ZMAT4: variants seen among roughly 807,000 people sequenced by gnomAD.
The protein encoded by ZMAT4 is zinc finger matrin-type protein 4.
A neutral mutation model predicts 28.7 loss-of-function variants in ZMAT4; 17 were observed. The observed-to-expected ratio is 0.59, with a 90% CI of 0.41 to 0.89. ZMAT4 has a LOEUF of 0.89. Ranked by LOEUF, ZMAT4 falls within the 40% of genes least tolerant of loss-of-function variation. The pLI is 0.00. For missense variants in ZMAT4, 240 were observed against 283.8 expected (o/e 0.85, Z 1.11); for synonymous variants, 117 against 109.2 (o/e 1.07, Z -0.44).
intron 6 of ZMAT4, among the ~76,000 whole-genome samples, chr8:40,579,155 G>A (rs914238295): frequency 1.3e-5 from 2 of 152,166 alleles, no homozygotes; most frequent in African/African-American, 4.8e-5. Context: ...AGTTATATAT[G>A]TACAGAATAG....
chr8:40,683,022 A>G (rs1809243630), intron 4 of ZMAT4, among the ~76,000 whole-genome samples: 2 of 152,190 alleles, frequency 1.3e-5, no homozygotes, highest in Admixed American at 1.3e-4. Flanking sequence ...TCAAGAGGCC[A>G]GAATCTAAGG....
chr8:40,792,333 C>T (rs1325516913), intron 2 of ZMAT4, among the ~76,000 whole-genome samples: 3 of 150,726 alleles, frequency 2.0e-5, no homozygotes, highest in Non-Finnish European at 4.4e-5. Context: ...TTATATATTC[C>T]CTGAACTGGC....
chr8:40,810,224 G>T (rs567774852), intron 2 of ZMAT4, among the ~76,000 whole-genome samples: 1 of 152,108 alleles, frequency 6.6e-6, no homozygotes, highest in Non-Finnish European at 1.5e-5. Context: ...ATTTCCAATG[G>T]ATTTGCGGAC....
At chr8:40,679,628 G>T (rs914307557) in intron 4 of ZMAT4, among the ~76,000 whole-genome samples, 15 of 152,142 alleles carry the variant, frequency 9.9e-5, no homozygotes. Flanking sequence ...CCACCCTCAT[G>T]ATTCAATTAC....
At chr8:40,608,152 C>CT (rs1176931451) in intron 5 of ZMAT4, among the ~76,000 whole-genome samples, 12 of 152,054 alleles carry the variant, frequency 7.9e-5, no homozygotes, top group African/African-American at 2.9e-4. Context: ...AGATTATGTC[C>CT]TTTGTCTTTG....
intron 5 of ZMAT4, among the ~76,000 whole-genome samples, chr8:40,597,337 T>C (rs1189719174): frequency 6.6e-6 from 1 of 152,142 alleles, no homozygotes; most frequent in Non-Finnish European, 1.5e-5. Context: ...GTGTTGACAA[T>C]TGTCTAGTGG....
At chr8:40,575,303 T>C (rs565574714) in intron 6 of ZMAT4, among the ~76,000 whole-genome samples, 24 of 152,204 alleles carry the variant, frequency 1.6e-4, no homozygotes, top group Admixed American at 1.4e-3. Flanking sequence ...AGAAACACAA[T>C]TGTGGACCCA....
chr8:40,547,717 T>A (rs1457782883), intron 6 of ZMAT4, among the ~76,000 whole-genome samples: 1 of 152,186 alleles, frequency 6.6e-6, no homozygotes. Flanking sequence ...GCTGCACCCA[T>A]CAACCTGTCA....
chr8:40,773,395 A>T (rs1211156907), intron 2 of ZMAT4, among the ~76,000 whole-genome samples: 1 of 152,200 alleles, frequency 6.6e-6, no homozygotes, highest in Non-Finnish European at 1.5e-5. Flanking sequence ...TCAAATCAGA[A>T]GATTCTAAAA....
intron 5 of ZMAT4, among the ~76,000 whole-genome samples, chr8:40,608,640 G>C (rs1435125068): frequency 6.6e-6 from 1 of 152,170 alleles, no homozygotes; most frequent in Non-Finnish European, 1.5e-5. Flanking sequence ...GAGTTCGGCT[G>C]GAAGTTTCCT....
At chr8:40,738,136 T>C (rs182228161) in intron 3 of ZMAT4, among the ~76,000 whole-genome samples, 19 of 152,240 alleles carry the variant, frequency 1.2e-4, no homozygotes, top group Non-Finnish European at 2.1e-4. Flanking sequence ...AGTAGGAGGT[T>C]CTGACTAGAA....
In ZMAT4 at chr8:40,754,161, A is replaced by G. The variant is rs555142699; in HGVS notation, c.192+13480T>C. 5.3e-5 allele frequency among the ~76,000 whole-genome samples: 8 copies of G among 151,210 alleles called. No individual in the cohort carries two copies. In the East Asian group the frequency reaches 5.8e-4, roughly 11 times the overall value. Reference sequence around the variant, plus strand: ...CACTCCAGCCTGGCAACAGAGCAAGACTCCATCTCAAAAAAAAAAAAGAAA... The same window carrying G: ...CACTCCAGCCTGGCAACAGAGCAAGGCTCCATCTCAAAAAAAAAAAAGAAA... On this transcript the variant is annotated intron_variant, in intron 3 of 6. Coordinates refer to ENST00000297737, the MANE Select transcript of ZMAT4 (RefSeq NM_024645.3).
At chr8:40,736,147 C>T (rs558996392) in intron 3 of ZMAT4, among the ~76,000 whole-genome samples, 2 of 152,282 alleles carry the variant, frequency 1.3e-5, no homozygotes, top group South Asian at 4.1e-4. Flanking sequence ...ACCAACCTCA[C>T]CTTATCTCCT....
intron 6 of ZMAT4, among the ~76,000 whole-genome samples, chr8:40,561,614 G>C (rs1444274563): frequency 1.3e-5 from 2 of 152,024 alleles, no homozygotes; most frequent in Non-Finnish European, 2.9e-5. Flanking sequence ...TGTCTTCCAG[G>C]CTCCAAGCAC....
At chr8:40,816,654 C>A (rs987348202) in intron 2 of ZMAT4, among the ~76,000 whole-genome samples, 1 of 152,074 alleles carries the variant, frequency 6.6e-6, no homozygotes, top group Non-Finnish European at 1.5e-5. Flanking sequence ...TGTAGGAAAA[C>A]CAGAAGGTTC....
At chr8:40,712,688 T>A (rs563673339) in intron 3 of ZMAT4, among the ~76,000 whole-genome samples, 3 of 152,266 alleles carry the variant, frequency 2.0e-5, no homozygotes, top group African/African-American at 7.2e-5. Flanking sequence ...CCTGAAATCA[T>A]GGTTTTCACA....
intron 5 of ZMAT4, among the ~76,000 whole-genome samples, chr8:40,649,283 T>C (rs903697963): frequency 6.6e-6 from 1 of 152,016 alleles, no homozygotes; most frequent in Non-Finnish European, 1.5e-5. Context: ...TCCTAGTCTC[T>C]GATAAAACAG....
chr8:40,671,125 C>T (rs1433956250), intron 5 of ZMAT4, among the ~76,000 whole-genome samples: 1 of 151,036 alleles, frequency 6.6e-6, no homozygotes, highest in East Asian at 1.9e-4. Context: ...GAATTAAAGG[C>T]ATCATGAAAT....
chr8:40,608,553 C>T (rs757645104), intron 5 of ZMAT4, among the ~76,000 whole-genome samples: 7 of 152,228 alleles, frequency 4.6e-5, no homozygotes, highest in East Asian at 1.9e-4. Flanking sequence ...CCACCTGCCA[C>T]GGTTTTTGTG....
Sources: gnomAD v4.1 joint callset for allele counts (sites outside exome capture counted in the v4.1 genomes callset) on GRCh38, gnomAD v4.1.1 for gene constraint, MANE v1.5 for transcripts, NCBI Gene and HGNC (gene_info 2026-07-23, HGNC 2026-07-21) for gene names.